CSNK2A2: variants seen among roughly 807,000 people sequenced by gnomAD.
CSNK2A2 encodes casein kinase II subunit alpha'.
Under a neutral mutation model 54.0 loss-of-function variants are expected in CSNK2A2, and 8 were observed. The observed-to-expected ratio is 0.15, with a 90% CI of 0.09 to 0.27. The LOEUF is 0.27. Among genes scored for constraint, CSNK2A2 ranks in the 10% least tolerant of loss-of-function variants. The pLI, the probability that CSNK2A2 is intolerant of heterozygous loss-of-function variation, is 1.00. For synonymous variants in CSNK2A2, 141 were observed against 153.9 expected (o/e 0.92, Z 0.62); for missense variants, 242 against 439.4 (o/e 0.55, Z 4.02).
At chr16:58,176,601 C>T (rs2142427343) in intron 4 of CSNK2A2, among the ~76,000 whole-genome samples, 1 of 152,288 alleles carries the variant, frequency 6.6e-6, no homozygotes, top group Middle Eastern at 3.4e-3. Context: ...CTCTGTTCTT[C>T]ACTGTACCCC....
At chr16:58,196,937 A>T (rs1007314218) in intron 1 of CSNK2A2, 93 bp from the exon 2 acceptor site, 5 of 811,092 alleles carry the variant, frequency 6.2e-6, no homozygotes, top group Admixed American at 5.1e-5. Flanking sequence ...TCCACCAGGC[A>T]AACACTTGGA....
Position 58,164,075 on chromosome 16 carries a change from C to T in CSNK2A2, c.1049G>A (p.Arg350Gln). 3.7e-6 allele frequency: 6 copies of T among 1,612,922 alleles called. No homozygotes were observed. Among genetic ancestry groups the T allele is most frequent in the Non-Finnish European group, 5.1e-6 (6 of 1,179,336 alleles). Residue 350 changes from arginine to glutamine, a missense_variant, in exon 11 of 12, where the codon CGA (arginine) becomes CAA (glutamine). Arg to Gln is a conservative substitution (Grantham distance 43, BLOSUM62 1). Coordinates refer to ENST00000262506, the MANE Select transcript of CSNK2A2 (RefSeq NM_001896.4). ...TTACCCGTCGCTTTCCAGTCTTCAT[C>T]GTGCTGCCGTGAGACCACTGGAAAG... is the stretch of plus-strand genomic sequence containing the variant. ...AVLSSGLTAA[R>Q]
At chr16:58,175,915 C>T (rs1291152874) in intron 4 of CSNK2A2, among the ~76,000 whole-genome samples, 1 of 152,192 alleles carries the variant, frequency 6.6e-6, no homozygotes, top group Non-Finnish European at 1.5e-5. Context: ...CCCATTCAGG[C>T]AGAACAACAC....
intron 5 of CSNK2A2, among the ~76,000 whole-genome samples, chr16:58,170,370 T>C (rs1961701038): frequency 6.6e-6 from 1 of 152,080 alleles, no homozygotes; most frequent in East Asian, 1.9e-4. Flanking sequence ...TCTACCTTCT[T>C]TCCTTCAGTA....
At chr16:58,162,917 C>T (rs542514980) in intron 11 of CSNK2A2, 2 of 152,326 alleles carry the variant, frequency 1.3e-5, no homozygotes, top group African/African-American at 4.8e-5. Context: ...TGACCCTGCC[C>T]ACACAACTCT....
intron 2 of CSNK2A2, among the ~76,000 whole-genome samples, chr16:58,187,369 T>C (rs1305808866): frequency 1.3e-5 from 2 of 152,144 alleles, no homozygotes; most frequent in Non-Finnish European, 1.5e-5. Flanking sequence ...ACCACTCCCA[T>C]TTCCTTAATA....
Position 58,197,752 on chromosome 16 carries a change from G to C in CSNK2A2, c.-16C>G. ...GGCCGGGCATGGCGGGCGGGACCGG[G>C]GGGCGGCGCGGGGCGCAGAGGGTGG... On this transcript the variant is annotated 5_prime_UTR_variant, in exon 1 of 12. Transcript: ENST00000262506. The surrounding 1 kb of genome is among the most constrained non-coding windows in gnomAD (Gnocchi z 4.0). 9.3e-7 allele frequency: 1 copy of C among 1,074,328 alleles called. No individual in the cohort carries two copies. The highest frequency in any genetic ancestry group is 1.2e-6 in the Non-Finnish European group (1 of 852,822). 66.5% of individuals were successfully genotyped at this position (1,074,328 alleles called of 1,614,324 possible).
At chr16:58,176,767 G>A (rs1017471471) in intron 4 of CSNK2A2, among the ~76,000 whole-genome samples, 7 of 152,166 alleles carry the variant, frequency 4.6e-5, no homozygotes, top group African/African-American at 1.4e-4. Flanking sequence ...CCATGCCACT[G>A]ACTCTCCAAT....
chr16:58,188,503 A>G (rs1962247776), intron 2 of CSNK2A2, among the ~76,000 whole-genome samples: 1 of 152,248 alleles, frequency 6.6e-6, no homozygotes, highest in African/African-American at 2.4e-5. Flanking sequence ...CAGACTTTTA[A>G]AATGTGACAA....
chr16:58,161,016 G>C (rs1027935345), intron 11 of CSNK2A2: 1 of 152,186 alleles, frequency 6.6e-6, no homozygotes, highest in African/African-American at 2.4e-5. Context: ...AGGAAAGCTT[G>C]GTCTGCGTCA....
intron 2 of CSNK2A2, among the ~76,000 whole-genome samples, chr16:58,188,118 A>G (rs960959616): frequency 6.6e-6 from 1 of 152,192 alleles, no homozygotes; most frequent in Non-Finnish European, 1.5e-5. Context: ...TCACTAAGAT[A>G]CAGCTTTGAA....
chr16:58,159,285 G>A (rs1961252665), intron 11 of CSNK2A2, among the ~76,000 whole-genome samples: 1 of 152,224 alleles, frequency 6.6e-6, no homozygotes, highest in Non-Finnish European at 1.5e-5. Flanking sequence ...TGGGGCTAGG[G>A]AGAGTGTTTC....
At chr16:58,179,179 A>G (rs1258883499) in intron 4 of CSNK2A2, among the ~76,000 whole-genome samples, 9 of 152,188 alleles carry the variant, frequency 5.9e-5, no homozygotes, top group Admixed American at 4.6e-4. Context: ...TTAATTTAAA[A>G]TGACTCAGCA....
intron 11 of CSNK2A2, 80 bp downstream of exon 11, chr16:58,163,974 C>CT: frequency 9.0e-7 from 1 of 1,106,500 alleles, no homozygotes. Flanking sequence ...ATAAGAATTT[C>CT]TTTTTATCAC....
chr16:58,196,964 G>C, intron 1 of CSNK2A2, 120 bp from the exon 2 acceptor site: 2 of 741,834 alleles, frequency 2.7e-6, no homozygotes, highest in South Asian at 2.9e-5. Context: ...TATACATCAC[G>C]TCACAACTCA....
chr16:58,187,837 A>G (rs1362021511), intron 2 of CSNK2A2, among the ~76,000 whole-genome samples: 1 of 152,286 alleles, frequency 6.6e-6, no homozygotes, highest in East Asian at 1.9e-4. Context: ...CAGGAATCAA[A>G]GCTGGAAGCT....
chr16:58,183,922 CCTCT>C lies in CSNK2A2; in HGVS notation c.369+334_369+337del, dbSNP rs1369521596. 6.2e-4 allele frequency among the ~76,000 whole-genome samples: 94 copies of C among 152,264 alleles called. 1 individual carries two copies. The highest frequency in any genetic ancestry group is 2.2e-3 in the African/African-American group (91 of 41,536). ...AGGGCCTTGTATCGGTCTATCCCTT[CCTCT>C]CGGCAAAGTAAGATTTCGTACAAAA... is the stretch of plus-strand genomic sequence containing the variant. On this transcript the variant is annotated intron_variant, in intron 4 of 11. Transcript: ENST00000262506.
Position 58,184,331 on chromosome 16 carries a change from G to A in CSNK2A2, c.319-21C>T, listed in dbSNP as rs756420336. On this transcript the variant is annotated intron_variant, in intron 3 of 11. Transcript: ENST00000262506. ...TTTGACTGTAAAAGAGAATATTAAT[G>A]CTTTTTAAGTACCCAAACAATAATC... The A allele has an allele frequency of 7.2e-6, 11 of 1,535,960 alleles. No homozygotes were observed. In the African/African-American group the frequency reaches 1.5e-4, roughly 21 times the overall value.
intron 2 of CSNK2A2, among the ~76,000 whole-genome samples, chr16:58,196,084 G>C (rs1965216343): frequency 6.6e-6 from 1 of 152,196 alleles, no homozygotes; most frequent in Admixed American, 6.5e-5. Flanking sequence ...TGCACCAAGA[G>C]TAACAAACAC....
Sources: gnomAD v4.1 joint callset for allele counts (sites outside exome capture counted in the v4.1 genomes callset) on GRCh38, gnomAD v4.1.1 for gene constraint, Gnocchi (gnomAD v3.1) non-coding constraint, MANE v1.5 for transcripts, NCBI Gene and HGNC (gene_info 2026-07-23, HGNC 2026-07-21) for gene names.